MSI2: variants seen among roughly 807,000 people sequenced by gnomAD.
MSI2 encodes the protein RNA-binding protein Musashi homolog 2.
MSI2 carries 17 observed loss-of-function variants against 45.6 expected under a neutral mutation model. That is an observed-to-expected ratio of 0.37 (90% confidence interval 0.26 to 0.56). MSI2 has a LOEUF of 0.56. Among genes scored for constraint, MSI2 ranks in the 20% least tolerant of loss-of-function variants. MSI2 has a pLI of 0.77. For missense variants in MSI2, 293 were observed against 444.2 expected (o/e 0.66, Z 3.06); for synonymous variants, 156 against 158.2 (o/e 0.99, Z 0.11).
chr17:57,519,526 C>A (rs375286294), intron 6 of MSI2, among the ~76,000 whole-genome samples: 38 of 152,142 alleles, frequency 2.5e-4, no homozygotes, highest in African/African-American at 8.9e-4. Flanking sequence ...ATGGAGGAGC[C>A]CGGTGATCTC....
chr17:57,488,943 C>T (rs570224348), intron 6 of MSI2, among the ~76,000 whole-genome samples: 1 of 152,286 alleles, frequency 6.6e-6, no homozygotes, highest in South Asian at 2.1e-4. Context: ...GTGCCCTTCC[C>T]ATGAGTGTCT....
At chr17:57,446,617 A>G (rs116191941) in intron 6 of MSI2, among the ~76,000 whole-genome samples, 91 of 152,322 alleles carry the variant, frequency 6.0e-4, no homozygotes, top group African/African-American at 2.1e-3. Flanking sequence ...AGAAAAGGTC[A>G]AGCATCCGTT....
chr17:57,371,550 TACACACAC>T (rs72265561), intron 5 of MSI2, among the ~76,000 whole-genome samples: 8 of 143,266 alleles, frequency 5.6e-5, no homozygotes, highest in African/African-American at 1.7e-4. Flanking sequence ...GACACAGGTA[TACACACAC>T]ACACACACAC....
chr17:57,606,031 G>A (rs372030125), intron 8 of MSI2, among the ~76,000 whole-genome samples: 2 of 152,240 alleles, frequency 1.3e-5, no homozygotes, highest in African/African-American at 2.4e-5. Flanking sequence ...CAAATAGTGC[G>A]GCCTGGGAAG....
At chr17:57,540,500 TG>T (rs1402579592) in intron 7 of MSI2, among the ~76,000 whole-genome samples, 7 of 152,198 alleles carry the variant, frequency 4.6e-5, no homozygotes, top group Admixed American at 3.3e-4. Flanking sequence ...AAAGATAAGT[TG>T]AAATACCTCA....
At chr17:57,672,538 G>A (rs1018876049) in intron 11 of MSI2, among the ~76,000 whole-genome samples, 3 of 152,140 alleles carry the variant, frequency 2.0e-5, no homozygotes, top group Non-Finnish European at 4.4e-5. Flanking sequence ...TGGAAGAAAC[G>A]GAAACCTAAA....
intron 6 of MSI2, among the ~76,000 whole-genome samples, chr17:57,447,002 T>G (rs1439465555): frequency 6.6e-6 from 1 of 152,230 alleles, no homozygotes; most frequent in Admixed American, 6.5e-5. Flanking sequence ...ATCCATGCGC[T>G]GCAAAGAGAT....
intron 8 of MSI2, 112 bp downstream of exon 8, chr17:57,597,062 G>A (rs6503820): frequency 0.33 from 246,887 of 740,702 alleles, 42,524 homozygotes; most frequent in Admixed American, 0.44. Flanking sequence ...GGGGTGGGGA[G>A]GGGGCTAGAT....
At position 57,680,602 on chromosome 17, in the gene MSI2, C is replaced by T. The variant is rs993162615; in HGVS notation, c.*1085C>T. On this transcript the variant is annotated 3_prime_UTR_variant, in exon 14 of 14. Transcript: ENST00000284073. ...TATTAGTGTTGTACCAGCCTATTAA[C>T]CTCTTGTCTGTGCACAGCTTCAAAT... The T allele has an allele frequency of 8.8e-6, 2 of 226,310 alleles. No homozygotes were observed. The highest frequency in any genetic ancestry group is 4.5e-5 in the African/African-American group (2 of 44,936). The allele number at this position is 226,310 out of a possible 1,614,324, so 14.0% of individuals were successfully genotyped here.
At chr17:57,632,895 T>C in intron 10 of MSI2, 1 of 1,061,554 alleles carries the variant, frequency 9.4e-7, no homozygotes, top group Non-Finnish European at 1.1e-6. Flanking sequence ...TAAAGATGCT[T>C]GATGTAATAA....
At chr17:57,428,199 G>A (rs1197681636) in intron 6 of MSI2, among the ~76,000 whole-genome samples, 4 of 152,084 alleles carry the variant, frequency 2.6e-5, no homozygotes, top group African/African-American at 9.7e-5. Flanking sequence ...GAGATTAGAT[G>A]GTAGGACTGT....
intron 7 of MSI2, among the ~76,000 whole-genome samples, chr17:57,531,023 G>A (rs1274522570): frequency 2.0e-5 from 3 of 152,152 alleles, no homozygotes; most frequent in Non-Finnish European, 2.9e-5. Flanking sequence ...GGAGGGGCAT[G>A]CAGGTGTGGA....
chr17:57,416,625 G>C (rs893474762), intron 6 of MSI2, among the ~76,000 whole-genome samples: 1 of 152,190 alleles, frequency 6.6e-6, no homozygotes, highest in Middle Eastern at 3.2e-3. Context: ...CCCTCAAAGA[G>C]CGTCTCAGTT....
Position 57,652,730 on chromosome 17 carries a change from C to T in MSI2, c.790+569C>T, listed in dbSNP as rs1314648283. Among the ~76,000 whole-genome samples, 1 of 152,252 alleles carries T rather than the reference C, an allele frequency of 6.6e-6. No homozygotes were observed. Among genetic ancestry groups the T allele is most frequent in the Non-Finnish European group, 1.5e-5 (1 of 68,038 alleles). On this transcript the variant is annotated intron_variant, in intron 11 of 13. Transcript: ENST00000284073. The surrounding 1 kb of genome is among the most constrained non-coding windows in gnomAD (Gnocchi z 4.1). Reference sequence around the variant, plus strand: ...TCTTCTTAGCCAGACTCCTCAGCTCCAGCTGCCAAGGGAATTGGGCTTTCT... The same window carrying T: ...TCTTCTTAGCCAGACTCCTCAGCTCTAGCTGCCAAGGGAATTGGGCTTTCT...
intron 5 of MSI2, among the ~76,000 whole-genome samples, chr17:57,307,696 T>G (rs1385165041): frequency 2.0e-5 from 3 of 151,092 alleles, no homozygotes; most frequent in African/African-American, 7.3e-5. Context: ...TCCACTGGCC[T>G]TGGCCTCCTT....
In MSI2 at chr17:57,652,860, C is replaced by G. The variant is rs1210628078; in HGVS notation, c.790+699C>G. On this transcript the variant is annotated intron_variant, in intron 11 of 13. Coordinates refer to ENST00000284073, the MANE Select transcript of MSI2 (RefSeq NM_138962.4). This position sits in a 1 kb window ranked among gnomAD's most constrained non-coding sequence, Gnocchi z 4.1. ...CACTTTCCCAGCATTATCATGGGGT[C>G]AGGCCAGAGCTGGGATATGTCCAGG... 1.3e-5 allele frequency among the ~76,000 whole-genome samples: 2 copies of G among 152,216 alleles called. No individual in the cohort carries two copies. The highest frequency in any genetic ancestry group is 4.8e-5 in the African/African-American group (2 of 41,456).
intron 6 of MSI2, among the ~76,000 whole-genome samples, chr17:57,460,446 G>A (rs2085204433): frequency 6.6e-6 from 1 of 152,030 alleles, no homozygotes. Flanking sequence ...AAGGAAAGAG[G>A]GGAGGAAGGT....
At chr17:57,646,331 A>C (rs977018498) in intron 10 of MSI2, among the ~76,000 whole-genome samples, 1 of 152,338 alleles carries the variant, frequency 6.6e-6, no homozygotes, top group South Asian at 2.1e-4. Flanking sequence ...CAAAAGCACC[A>C]TTGACTTCTA....
At chr17:57,466,334 C>T (rs1215253303) in intron 6 of MSI2, among the ~76,000 whole-genome samples, 2 of 152,196 alleles carry the variant, frequency 1.3e-5, no homozygotes, top group East Asian at 1.9e-4. Flanking sequence ...CTCCCAGGCC[C>T]GCTGTGGCTC....
Sources: gnomAD v4.1 joint callset for allele counts (sites outside exome capture counted in the v4.1 genomes callset) on GRCh38, gnomAD v4.1.1 for gene constraint, Gnocchi (gnomAD v3.1) non-coding constraint, MANE v1.5 for transcripts, NCBI Gene and HGNC (gene_info 2026-07-23, HGNC 2026-07-21) for gene names.